Variants in NEK10 observed in about 807,000 individuals in gnomAD.
The protein encoded by NEK10 is serine/threonine-protein kinase Nek10.
A neutral mutation model predicts 159.8 loss-of-function variants in NEK10; 122 were observed. That is an observed-to-expected ratio of 0.76 (90% CI 0.66 to 0.89). The LOEUF is 0.89. Ranked by LOEUF, NEK10 falls within the 40% of genes least tolerant of loss-of-function variation. NEK10 has a pLI of 0.00. For synonymous variants in NEK10, 466 were observed against 457.1 expected, an observed-to-expected ratio of 1.02 and a Z score of -0.25; for missense variants, 1,342 against 1,323.1, an observed-to-expected ratio of 1.01 and a Z score of -0.22.
At chr3:27,315,775 T>C (rs1221037737) in intron 6 of NEK10, among the ~76,000 whole-genome samples, 2 of 152,118 alleles carry the variant, frequency 1.3e-5, no homozygotes, top group African/African-American at 4.8e-5. Context: ...AGATAAGTGT[T>C]AAAAGTAAAT....
chr3:27,207,851 C>G (rs914347608), intron 23 of NEK10, among the ~76,000 whole-genome samples: 5 of 152,078 alleles, frequency 3.3e-5, no homozygotes, highest in Non-Finnish European at 4.4e-5. Flanking sequence ...CTCAAGGAGG[C>G]AAAACTCTAT....
At chr3:27,120,763 C>T (rs954702334) in intron 32 of NEK10, among the ~76,000 whole-genome samples, 6 of 152,066 alleles carry the variant, frequency 3.9e-5, no homozygotes, top group African/African-American at 1.4e-4. Flanking sequence ...TCATTTAATG[C>T]CTTTCTATAA....
rs188171226 is a variant in NEK10, at chr3:27,116,034, T to C, written c.3244-39A>G. 13,843 of 1,612,084 alleles carry C rather than the reference T, an allele frequency of 8.6e-3. 130 individuals carry two copies. Among genetic ancestry groups the C allele is most frequent in the South Asian group, 0.029 (2,634 of 91,020 alleles). On this transcript the variant is annotated intron_variant, in intron 34 of 35. Coordinates refer to ENST00000691995, the MANE Select transcript of NEK10 (RefSeq NM_001394966.1). ...AATCAGGTTAGTATTGAATTAGAAG[T>C]AACAAAATAAAATCATTCAGAGACA...
intron 1 of NEK10, among the ~76,000 whole-genome samples, chr3:27,358,245 C>A (rs2048451604): frequency 6.6e-6 from 1 of 151,990 alleles, no homozygotes. Context: ...ATATAAAAAC[C>A]AAAGGCATGC....
Position 27,304,775 on chromosome 3 carries a change from T to G in NEK10, c.1000A>C (p.Ile334Leu). 1 of 1,613,534 alleles carries G rather than the reference T, an allele frequency of 6.2e-7. No homozygotes were observed. Among genetic ancestry groups the G allele is most frequent in the Non-Finnish European group, 8.5e-7 (1 of 1,179,460 alleles). ...TSVEIRIWGG[I>L]KQLLHILQGD... ...TGTAAAATATGAAGAAGCTGTTTGATGCCTCCCCAAATGCGAATTTCCACG... is the reference window on the plus strand; with the variant it reads ...TGTAAAATATGAAGAAGCTGTTTGAGGCCTCCCCAAATGCGAATTTCCACG... The change falls in exon 12 of 36, where the codon ATC becomes CTC. Residue 334 changes from isoleucine to leucine, a missense_variant. By Grantham distance (5) the Ile-to-Leu change is conservative. Coordinates refer to ENST00000691995, the MANE Select transcript of NEK10 (RefSeq NM_001394966.1).
intron 1 of NEK10, among the ~76,000 whole-genome samples, chr3:27,359,409 T>C (rs1451776110): frequency 2.0e-5 from 3 of 152,186 alleles, no homozygotes; most frequent in Non-Finnish European, 4.4e-5. Context: ...TGAATAATGA[T>C]TAACCTTTCA....
At chr3:27,354,780 G>C (rs1271807719) in intron 1 of NEK10, among the ~76,000 whole-genome samples, 1 of 152,148 alleles carries the variant, frequency 6.6e-6, no homozygotes, top group Non-Finnish European at 1.5e-5. Context: ...GGGTAGCTTT[G>C]GTCTAAGCCC....
chr3:27,241,982 C>T (rs1954604067), intron 23 of NEK10, among the ~76,000 whole-genome samples: 1 of 152,202 alleles, frequency 6.6e-6, no homozygotes, highest in South Asian at 2.1e-4. Flanking sequence ...CCAGCTTCAA[C>T]TTTTAACTGA....
At chr3:27,162,402 C>T (rs1946097264) in intron 30 of NEK10, 2 of 1,591,986 alleles carry the variant, frequency 1.3e-6, no homozygotes, top group South Asian at 1.1e-5. Flanking sequence ...TCAGGCCCAA[C>T]TATAATTCTG....
intron 31 of NEK10, among the ~76,000 whole-genome samples, chr3:27,136,053 C>T (rs995450831): frequency 6.8e-6 from 1 of 146,988 alleles, no homozygotes; most frequent in Non-Finnish European, 1.5e-5. Context: ...TGAAGACAAA[C>T]AATTCAAAGG....
chr3:27,278,008 C>A (rs1470925669), intron 22 of NEK10, among the ~76,000 whole-genome samples: 1 of 152,144 alleles, frequency 6.6e-6, no homozygotes, highest in African/African-American at 2.4e-5. Context: ...TCTGTAAAGA[C>A]CAGATAGTAA....
rs183802234 is a variant in NEK10, at chr3:27,364,677, C to A, written c.-38+4548G>T. 1.6e-3 allele frequency among the ~76,000 whole-genome samples: 243 copies of A among 152,278 alleles called. 1 individual carries two copies. Among genetic ancestry groups the A allele is most frequent in the African/African-American group, 5.6e-3 (233 of 41,550 alleles). ...AAAAACCTATTAAGGGTTATTCTTA[C>A]AAGCACATTAGTATATTCATTTAAT... On this transcript the variant is annotated intron_variant, in intron 1 of 35. Coordinates refer to ENST00000691995, the MANE Select transcript of NEK10 (RefSeq NM_001394966.1).
intron 7 of NEK10, 45 bp from the exon 8 acceptor site, chr3:27,312,222 C>T (rs1575696608): frequency 1.6e-6 from 2 of 1,263,868 alleles, no homozygotes; most frequent in Admixed American, 2.1e-5. Flanking sequence ...ACACCAAAAG[C>T]ACCCAAGGAA....
chr3:27,143,621 T>C (rs1944000570), intron 30 of NEK10: 1 of 483,508 alleles, frequency 2.1e-6, no homozygotes, highest in Non-Finnish European at 3.6e-6. Context: ...CTGGAAATAC[T>C]TTTGATTACT....
At chr3:27,198,579 G>C (rs546123722) in intron 25 of NEK10, among the ~76,000 whole-genome samples, 1 of 152,140 alleles carries the variant, frequency 6.6e-6, no homozygotes. Context: ...TAACTGGCTA[G>C]CCAGTTGCAG....
At chr3:27,173,819 C>G (rs565383843) in intron 28 of NEK10, among the ~76,000 whole-genome samples, 1 of 152,024 alleles carries the variant, frequency 6.6e-6, no homozygotes, top group African/African-American at 2.4e-5. Flanking sequence ...CAGGTTTGTT[C>G]CATGTATTTT....
In NEK10 at chr3:27,119,864, G is replaced by C. The variant is rs764108481; in HGVS notation, c.3086C>G (p.Ser1029Cys). The change falls in exon 33 of 36, where the codon TCT (serine) becomes TGT (cysteine). Residue 1029 changes from serine to cysteine, a missense_variant. By Grantham distance (112) the Ser-to-Cys change is moderately radical (BLOSUM62 -1). Transcript: ENST00000691995. Reference sequence around the variant, plus strand: ...CTCAATCGGTTCTGGAGATCCCTGAGATAACTGAAATAGAAAAAGCAAAAT... The same window carrying C: ...CTCAATCGGTTCTGGAGATCCCTGACATAACTGAAATAGAAAAAGCAAAAT... ...CNLKSEIKKL[S>C]QGSPEPIEPN... The C allele has an allele frequency of 1.2e-6, 2 of 1,612,942 alleles. No homozygotes were observed. Among genetic ancestry groups the C allele is most frequent in the Non-Finnish European group, 8.5e-7 (1 of 1,179,008 alleles).
At chr3:27,175,319 C>G (rs1947402897) in intron 26 of NEK10, among the ~76,000 whole-genome samples, 1 of 152,052 alleles carries the variant, frequency 6.6e-6, no homozygotes, top group Non-Finnish European at 1.5e-5. Context: ...CTACAGAGAA[C>G]AGAACTTACA....
chr3:27,112,106 C>G (rs907808395), intron 35 of NEK10, among the ~76,000 whole-genome samples: 5 of 152,128 alleles, frequency 3.3e-5, no homozygotes, highest in Non-Finnish European at 5.9e-5. Flanking sequence ...TTCCTGTTAC[C>G]ATTTTCTTTT....
Sources: gnomAD v4.1 joint callset for allele counts (sites outside exome capture counted in the v4.1 genomes callset) on GRCh38, gnomAD v4.1.1 for gene constraint, MANE v1.5 for transcripts, NCBI Gene and HGNC (gene_info 2026-07-23, HGNC 2026-07-21) for gene names.